The following GFOD1 variants were observed in gnomAD, a reference collection of about 807,000 sequenced individuals.
GFOD1 encodes Gfo/Idh/MocA-like oxidoreductase domain containing 1.
Under a neutral mutation model 25.4 loss-of-function variants are expected in GFOD1, and 9 were observed. The ratio of observed to expected loss-of-function variants is 0.35; its 90% CI spans 0.21 to 0.62. GFOD1 has a LOEUF of 0.62. GFOD1 is among the 20% of genes least tolerant of loss of function. The pLI is 0.72. For missense variants in GFOD1, 403 were observed against 556.9 expected, an observed-to-expected ratio of 0.72 and a Z score of 2.78; for synonymous variants, 253 against 245.6, an observed-to-expected ratio of 1.03 and a Z score of -0.28.
chr6:13,451,987 AAGTT>A (rs1758106370), intron 1 of GFOD1, among the ~76,000 whole-genome samples: 1 of 152,166 alleles, frequency 6.6e-6, no homozygotes, highest in Admixed American at 6.5e-5. Context: ...AGGAGATAAA[AAGTT>A]AGGTTTGGCG....
intron 1 of GFOD1, among the ~76,000 whole-genome samples, chr6:13,401,767 TCAAAA>T (rs72266215): frequency 0.03 from 4,560 of 152,178 alleles, 201 homozygotes; most frequent in African/African-American, 0.1. Context: ...ATCTACAGAG[TCAAAA>T]CAATTGCTAT....
intron 1 of GFOD1, among the ~76,000 whole-genome samples, chr6:13,391,223 C>T (rs182086143): frequency 2.6e-5 from 4 of 151,754 alleles, no homozygotes; most frequent in East Asian, 1.9e-4. Context: ...TTCCAGTAAC[C>T]GTGGCTGGAA....
At chr6:13,398,663 G>T (rs1377550498) in intron 1 of GFOD1, among the ~76,000 whole-genome samples, 1 of 152,176 alleles carries the variant, frequency 6.6e-6, no homozygotes, top group Non-Finnish European at 1.5e-5. Context: ...GGTAATTTAG[G>T]ATCCCAGCTG....
chr6:13,392,029 G>A (rs1341135158), intron 1 of GFOD1, among the ~76,000 whole-genome samples: 1 of 152,130 alleles, frequency 6.6e-6, no homozygotes, highest in Non-Finnish European at 1.5e-5. Context: ...GACTACTCTG[G>A]TAGACACGAG....
At chr6:13,438,516 A>G (rs537410743) in intron 1 of GFOD1, among the ~76,000 whole-genome samples, 1 of 152,266 alleles carries the variant, frequency 6.6e-6, no homozygotes, top group Non-Finnish European at 1.5e-5. Context: ...AAATGCATGA[A>G]AACAATTAAA....
intron 1 of GFOD1, among the ~76,000 whole-genome samples, chr6:13,444,376 G>A (rs1486497322): frequency 6.7e-6 from 1 of 149,686 alleles, no homozygotes; most frequent in Non-Finnish European, 1.5e-5. Flanking sequence ...AGGGTGGGAG[G>A]AGGGAGAGAA....
chr6:13,441,187 T>C (rs1470653822), intron 1 of GFOD1, among the ~76,000 whole-genome samples: 1 of 152,234 alleles, frequency 6.6e-6, no homozygotes, highest in African/African-American at 2.4e-5. Flanking sequence ...TTCTGGATTC[T>C]GAGACCTCCC....
At position 13,456,723 on chromosome 6, in the gene GFOD1, T is replaced by C. The variant is rs374547210; in HGVS notation, c.253+29915A>G. Among the ~76,000 whole-genome samples, 11 of 152,250 alleles carry C rather than the reference T, an allele frequency of 7.2e-5. No homozygotes were observed. In the East Asian group the frequency reaches 1.4e-3, roughly 19 times the overall value. ...TACAGCCTCCTAGGGCTGCACCATA[T>C]AGAGTGGGCGGCCTGCACGCTGCTC... is the stretch of plus-strand genomic sequence containing the variant. On this transcript the variant is annotated intron_variant, in intron 1 of 1. Transcript: ENST00000379287.
At chr6:13,369,949 T>C (rs540125546) in intron 1 of GFOD1, among the ~76,000 whole-genome samples, 27 of 115,912 alleles carry the variant, frequency 2.3e-4, no homozygotes, top group Admixed American at 2.3e-3. Context: ...TATGATTGAT[T>C]TTATTTTCTT....
chr6:13,463,607 G>A (rs192013993), intron 1 of GFOD1, among the ~76,000 whole-genome samples: 19 of 152,192 alleles, frequency 1.2e-4, no homozygotes, highest in Admixed American at 1.2e-3. Flanking sequence ...AATCAGTTCA[G>A]TGGGTCACAG....
intron 1 of GFOD1, among the ~76,000 whole-genome samples, chr6:13,475,270 C>T (rs1461295596): frequency 6.6e-6 from 1 of 152,172 alleles, no homozygotes; most frequent in Non-Finnish European, 1.5e-5. Context: ...ACTATAATGG[C>T]TATGATCAAA....
chr6:13,402,584 CATCATCA>C (rs1209892263), intron 1 of GFOD1, among the ~76,000 whole-genome samples: 1 of 42,986 alleles, frequency 2.3e-5, no homozygotes, highest in Non-Finnish European at 1.4e-4. Flanking sequence ...AGATGCTCAA[CATCATCA>C]GTCTTTAGGG....
chr6:13,442,261 G>C (rs967433735), intron 1 of GFOD1, among the ~76,000 whole-genome samples: 2 of 152,134 alleles, frequency 1.3e-5, no homozygotes, highest in African/African-American at 4.8e-5. Flanking sequence ...ATTGTGCTTT[G>C]CTTTATTGCA....
At chr6:13,400,579 G>A (rs565016007) in intron 1 of GFOD1, among the ~76,000 whole-genome samples, 18 of 152,338 alleles carry the variant, frequency 1.2e-4, no homozygotes, top group African/African-American at 3.4e-4. Flanking sequence ...GGAGTAATTC[G>A]AAGCAGATAG....
At chr6:13,390,784 GAAGGA>G (rs1562202753) in intron 1 of GFOD1, among the ~76,000 whole-genome samples, 3,060 of 125,280 alleles carry the variant, frequency 0.024, 131 homozygotes, top group African/African-American at 0.082. Flanking sequence ...AGAGAGAAAG[GAAGGA>G]AGGAAGGAAG....
intron 1 of GFOD1, among the ~76,000 whole-genome samples, chr6:13,404,428 T>C (rs1380643079): frequency 4.6e-5 from 7 of 152,218 alleles, no homozygotes; most frequent in Non-Finnish European, 7.3e-5. Context: ...TGATGAAGTT[T>C]TATAAATCCT....
intron 1 of GFOD1, among the ~76,000 whole-genome samples, chr6:13,440,195 T>G (rs1481357944): frequency 6.6e-6 from 1 of 152,144 alleles, no homozygotes; most frequent in African/African-American, 2.4e-5. Context: ...GTTCTTTTTT[T>G]TTTGTTTTTT....
In GFOD1 at chr6:13,365,353, G is replaced by A. The variant is rs746014593; in HGVS notation, c.563C>T (p.Thr188Ile). Residue 188 changes from threonine to isoleucine, a missense_variant, in exon 2 of 2, where the codon ACC (threonine) becomes ATC (isoleucine). Physicochemically the swap from Thr to Ile is moderately conservative, Grantham distance 89 (BLOSUM62 -1). Transcript: ENST00000379287. The surrounding 1 kb of genome is among the most constrained non-coding windows in gnomAD (Gnocchi z 9.2). ...TYIIDLLTFL[T>I]GQKAVKVHGL... ...GTGGACCTTGACGGCCTTTTGGCCG[G>A]TGAGGAAGGTGAGCAGGTCGATGAT... The A allele has an allele frequency of 5.6e-6, 9 of 1,614,080 alleles. No homozygotes were observed. In the South Asian group the frequency reaches 9.9e-5, roughly 18 times the overall value.
At chr6:13,432,364 C>A (rs1562217453) in intron 1 of GFOD1, among the ~76,000 whole-genome samples, 1 of 151,810 alleles carries the variant, frequency 6.6e-6, no homozygotes, top group Non-Finnish European at 1.5e-5. Context: ...CAGGCATGCA[C>A]CACCATGGAT....
Sources: gnomAD v4.1 joint callset for allele counts (sites outside exome capture counted in the v4.1 genomes callset) on GRCh38, gnomAD v4.1.1 for gene constraint, Gnocchi (gnomAD v3.1) non-coding constraint, MANE v1.5 for transcripts, NCBI Gene and HGNC (gene_info 2026-07-23, HGNC 2026-07-21) for gene names.